The following LEKR1 variants were observed in gnomAD, a reference collection of about 807,000 sequenced individuals.
The protein encoded by LEKR1 is leucine, glutamate and lysine rich 1, also known as protein LEKR1.
A neutral mutation model predicts 72.4 loss-of-function variants in LEKR1; 59 were observed. The ratio of observed to expected loss-of-function variants is 0.82; its 90% CI spans 0.66 to 1.01. The LOEUF is 1.01. LEKR1 is among the 50% of genes least tolerant of loss of function. The pLI, the probability that LEKR1 is intolerant of heterozygous loss-of-function variation, is 0.00. For synonymous variants in LEKR1, 257 were observed against 263.2 expected (o/e 0.98, Z 0.23); for missense variants, 728 against 759.2 (o/e 0.96, Z 0.48).
intron 3 of LEKR1, among the ~76,000 whole-genome samples, chr3:156,912,423 C>T (rs1317332835): frequency 2.0e-5 from 3 of 152,168 alleles, no homozygotes; most frequent in Non-Finnish European, 4.4e-5. Context: ...CAGTATGTCT[C>T]ACCCAGCTCC....
intron 3 of LEKR1, among the ~76,000 whole-genome samples, chr3:156,877,901 G>A (rs1450770086): frequency 6.6e-6 from 1 of 152,098 alleles, no homozygotes; most frequent in Non-Finnish European, 1.5e-5. Flanking sequence ...TCCTGCCTCA[G>A]CCTCCTTAGT....
intron 6 of LEKR1, among the ~76,000 whole-genome samples, chr3:156,965,679 A>G (rs1410091024): frequency 6.6e-6 from 1 of 152,212 alleles, no homozygotes; most frequent in Non-Finnish European, 1.5e-5. Context: ...CTTGTTTCAA[A>G]TAGATGTAAA....
chr3:156,833,289 T>C (rs1466980890), intron 2 of LEKR1, among the ~76,000 whole-genome samples: 2 of 152,192 alleles, frequency 1.3e-5, no homozygotes, highest in African/African-American at 4.8e-5. Context: ...AATGGCACAA[T>C]CTTTAAAGAT....
chr3:157,007,212 T>TAAATA (rs150956086), intron 9 of LEKR1, among the ~76,000 whole-genome samples: 1 of 151,584 alleles, frequency 6.6e-6, no homozygotes, highest in African/African-American at 2.4e-5. Flanking sequence ...AAAATAATAA[T>TAAATA]AATAAATAAA....
chr3:157,039,097 A>G (rs1476578445), intron 12 of LEKR1, among the ~76,000 whole-genome samples: 3 of 152,202 alleles, frequency 2.0e-5, no homozygotes, highest in Admixed American at 6.5e-5. Flanking sequence ...AGGAAAGTAC[A>G]TGTGTATCTC....
intron 3 of LEKR1, among the ~76,000 whole-genome samples, chr3:156,899,893 G>T (rs1721836302): frequency 6.6e-6 from 1 of 151,734 alleles, no homozygotes; most frequent in African/African-American, 2.4e-5. Flanking sequence ...AATAAAAATA[G>T]AATTTATTCT....
At chr3:156,859,024 A>G (rs984080370) in intron 3 of LEKR1, among the ~76,000 whole-genome samples, 1 of 152,150 alleles carries the variant, frequency 6.6e-6, no homozygotes, top group Non-Finnish European at 1.5e-5. Context: ...AATATAACCT[A>G]TTTGGGAGAC....
At chr3:156,907,062 G>A (rs1047699544) in intron 3 of LEKR1, among the ~76,000 whole-genome samples, 4 of 151,984 alleles carry the variant, frequency 2.6e-5, no homozygotes, top group Admixed American at 1.3e-4. Context: ...TTACAGACAT[G>A]TAATGAGACT....
At position 156,942,673 on chromosome 3, in the gene LEKR1, A is replaced by G. The variant is rs1726322494; in HGVS notation, c.704A>G (p.Asn235Ser). Residue 235 changes from asparagine (N) to serine (S), a missense_variant, in exon 6 of 13, where the codon AAC becomes AGC. Transcript: ENST00000356539. ...CGGACATCTAGACAACAGGAAGTAAACTTGCAAACCAGATGCTATGATTTG... is the reference window on the plus strand; with the variant it reads ...CGGACATCTAGACAACAGGAAGTAAGCTTGCAAACCAGATGCTATGATTTG... ...QIRTSRQQEV[N>S]LQTRCYDLQK... 2.4e-6 allele frequency: 3 copies of G among 1,266,304 alleles called. No individual in the cohort carries two copies. In the African/African-American group the frequency reaches 4.7e-5, roughly 20 times the overall value. The allele number at this position is 1,266,304 out of a possible 1,614,324, so 78.4% of individuals were successfully genotyped here.
At chr3:156,889,918 A>G (rs1720488919) in intron 3 of LEKR1, among the ~76,000 whole-genome samples, 1 of 152,242 alleles carries the variant, frequency 6.6e-6, no homozygotes, top group Admixed American at 6.5e-5. Flanking sequence ...TATTAGTAGC[A>G]AGTAAGTGTC....
intron 6 of LEKR1, among the ~76,000 whole-genome samples, chr3:156,962,530 T>G (rs747750325): frequency 2.0e-5 from 3 of 152,190 alleles, no homozygotes; most frequent in Non-Finnish European, 4.4e-5. Context: ...GATCACCATT[T>G]GAAATGTGAG....
At chr3:156,978,955 G>A (rs979872129) in intron 6 of LEKR1, among the ~76,000 whole-genome samples, 1 of 152,170 alleles carries the variant, frequency 6.6e-6, no homozygotes, top group African/African-American at 2.4e-5. Context: ...GCATGGTGGT[G>A]GGGGCAGAAA....
At chr3:157,008,193 G>C (rs1365115932) in intron 9 of LEKR1, among the ~76,000 whole-genome samples, 1 of 152,100 alleles carries the variant, frequency 6.6e-6, no homozygotes, top group Non-Finnish European at 1.5e-5. Flanking sequence ...AGCACAATTT[G>C]AACAGTGACT....
At position 157,045,352 on chromosome 3, in the gene LEKR1, C is replaced by G. The variant is rs778994073; in HGVS notation, c.1681C>G (p.Gln561Glu). 1.9e-6 allele frequency: 3 copies of G among 1,608,294 alleles called. No individual in the cohort carries two copies. The Admixed American group carries it at 5.0e-5, about 27-fold the overall frequency. The change falls in exon 13 of 13, where the codon CAG becomes GAG. Residue 561 changes from glutamine to glutamate, a missense_variant. Coordinates refer to ENST00000356539, the MANE Select transcript of LEKR1 (RefSeq NM_001004316.3). ...NQSQEENTFL[Q>E]ETVRRECEER... ...TCTCTCTTTTCAGAATACTTTTCTT[C>G]AGGAGACAGTGCGTAGAGAATGTGA...
intron 12 of LEKR1, among the ~76,000 whole-genome samples, chr3:157,033,050 C>T (rs907176577): frequency 1.2e-4 from 18 of 152,134 alleles, no homozygotes; most frequent in African/African-American, 4.3e-4. Context: ...TATAAGACAG[C>T]AAACTTAATA....
intron 5 of LEKR1, among the ~76,000 whole-genome samples, chr3:156,939,792 A>C (rs1726038854): frequency 6.6e-6 from 1 of 152,164 alleles, no homozygotes; most frequent in Admixed American, 6.6e-5. Flanking sequence ...AAATATTTTT[A>C]CCAAGGAAAA....
chr3:156,876,628 T>C (rs568368669), intron 3 of LEKR1, among the ~76,000 whole-genome samples: 1 of 152,332 alleles, frequency 6.6e-6, no homozygotes, highest in East Asian at 1.9e-4. Flanking sequence ...AGCTTAGTCA[T>C]TGTTGGTATA....
intron 11 of LEKR1, among the ~76,000 whole-genome samples, chr3:157,025,913 T>C (rs1055307685): frequency 3.3e-5 from 5 of 151,868 alleles, no homozygotes; most frequent in Admixed American, 2.6e-4. Flanking sequence ...ACCTGTAGTA[T>C]GTTCATACCA....
intron 12 of LEKR1, among the ~76,000 whole-genome samples, chr3:157,036,016 A>G (rs76044332): frequency 0.027 from 4,160 of 152,298 alleles, 132 homozygotes; most frequent in East Asian, 0.1. Context: ...TAAACTGTAT[A>G]CAAGCACACT....
Sources: allele counts gnomAD v4.1 joint callset (sites outside exome capture counted in the v4.1 genomes callset), GRCh38; gene constraint gnomAD v4.1.1; transcripts MANE v1.5; gene names NCBI Gene and HGNC (gene_info 2026-07-23, HGNC 2026-07-21).